The following ZNF565 variants were observed in gnomAD, a reference collection of about 807,000 sequenced individuals.
The protein encoded by ZNF565 is zinc finger protein 565.
A neutral mutation model predicts 39.4 loss-of-function variants in ZNF565; 27 were observed. That is an observed-to-expected ratio of 0.69 (90% CI 0.51 to 0.95). The LOEUF (loss-of-function observed/expected upper bound fraction) is 0.95. Among genes scored for constraint, ZNF565 ranks in the 40% least tolerant of loss-of-function variants. The pLI, the probability that ZNF565 is intolerant of heterozygous loss-of-function variation, is 0.00. For missense variants in ZNF565, 524 were observed against 621.1 expected (o/e 0.84, Z 1.66); for synonymous variants, 185 against 216.6 (o/e 0.85, Z 1.28).
At chr19:36,236,320 C>A in intron 1 of ZNF565, 4 of 1,202,676 alleles carry the variant, frequency 3.3e-6, no homozygotes, top group African/African-American at 1.5e-5. Flanking sequence ...GGAGATCATA[C>A]ACAGAGAAGC....
At chr19:36,199,007 T>G (rs558708046) in intron 2 of ZNF565, among the ~76,000 whole-genome samples, 18 of 152,350 alleles carry the variant, frequency 1.2e-4, no homozygotes, top group Admixed American at 2.6e-4. Flanking sequence ...TATTTCACAC[T>G]GCATGCCTGT....
chr19:36,205,957 G>GTT lies in ZNF565; in HGVS notation c.-65-3909_-65-3908dup, dbSNP rs57253970. 1.3e-3 allele frequency among the ~76,000 whole-genome samples: 186 copies of GTT among 143,358 alleles called. 1 individual carries two copies. Among genetic ancestry groups the GTT allele is most frequent in the African/African-American group, 4.3e-3 (170 of 39,406 alleles). The allele number at this position is 143,358 out of a possible 152,430, so 94.0% of individuals were successfully genotyped here. On this transcript the variant is annotated intron_variant, in intron 1 of 4. Transcript: ENST00000304116. ...CCTGTCCCAGTTGATCTCACATTCT[G>GTT]TTTTTTTTTTTTTCTTTTTTTTGAG...
At chr19:36,233,139 T>C (rs1977462260) in intron 1 of ZNF565, among the ~76,000 whole-genome samples, 1 of 152,200 alleles carries the variant, frequency 6.6e-6, no homozygotes, top group Non-Finnish European at 1.5e-5. Flanking sequence ...GTGCCAGCAC[T>C]TGGGAGGCAG....
Position 36,182,409 on chromosome 19 carries a change from G to A in ZNF565, c.*57C>T, listed in dbSNP as rs968831299. On this transcript the variant is annotated 3_prime_UTR_variant, in exon 5 of 5. Transcript: ENST00000304116. ...ACTACATTAAAAATTACCTAGTACT[G>A]AGCCAGATGTGAACTCCACATAAAG... 1.7e-5 allele frequency: 25 copies of A among 1,466,620 alleles called. No homozygotes were observed. Among genetic ancestry groups the A allele is most frequent in the East Asian group, 2.3e-5 (1 of 43,754 alleles). 90.9% of individuals were successfully genotyped at this position (1,466,620 alleles called of 1,614,324 possible).
chr19:36,200,175 G>A (rs1342282656), intron 2 of ZNF565, among the ~76,000 whole-genome samples: 4 of 151,430 alleles, frequency 2.6e-5, no homozygotes, highest in Non-Finnish European at 4.4e-5. Flanking sequence ...ATAGACATGC[G>A]CCATCATGCC....
At position 36,223,544 on chromosome 19, in the gene ZNF565, T is replaced by C. The variant is rs532522289; in HGVS notation, c.56-21494A>G. Among the ~76,000 whole-genome samples the C allele has an allele frequency of 1.1e-3, 165 of 151,998 alleles. 1 individual carries two copies. The highest frequency in any genetic ancestry group is 3.8e-3 in the African/African-American group (157 of 41,490). ...CGCCTGGTTAATTTTTTCGTATTTT[T>C]AGTAGAGACGGGGTTTCACCATGTT... On this transcript the variant is annotated intron_variant, in intron 1 of 4. Transcript: ENST00000355114.
chr19:36,184,498 C>T (rs1568409472), intron 4 of ZNF565, among the ~76,000 whole-genome samples: 2 of 151,916 alleles, frequency 1.3e-5, no homozygotes, highest in Non-Finnish European at 2.9e-5. Flanking sequence ...CTCCTGACCT[C>T]AAACAATCCA....
chr19:36,217,749 C>T (rs192336361), upstream of ZNF565, among the ~76,000 whole-genome samples: 982 of 151,968 alleles, frequency 6.5e-3, 37 homozygotes, highest in Admixed American at 0.054. Flanking sequence ...CCAGGCGTGG[C>T]GGCACATGCC....
chr19:36,192,138 G>A (rs997316473), intron 4 of ZNF565, among the ~76,000 whole-genome samples: 23 of 151,108 alleles, frequency 1.5e-4, no homozygotes, highest in African/African-American at 4.9e-4. Context: ...ACAGGCACCC[G>A]CCACCACGCC....
chr19:36,220,129 T>C (rs1254827352), intron 1 of ZNF565, among the ~76,000 whole-genome samples: 1 of 152,192 alleles, frequency 6.6e-6, no homozygotes, highest in Non-Finnish European at 1.5e-5. Flanking sequence ...AATTGACCAT[T>C]TCTCCAAGGA....
At chr19:36,213,793 C>G (rs936607772) in intron 1 of ZNF565, among the ~76,000 whole-genome samples, 1 of 151,726 alleles carries the variant, frequency 6.6e-6, no homozygotes, top group African/African-American at 2.4e-5. Flanking sequence ...GCCACCACAC[C>G]CGGCCCTACA....
chr19:36,197,110 A>C (rs750448198), intron 2 of ZNF565, among the ~76,000 whole-genome samples: 13 of 151,680 alleles, frequency 8.6e-5, no homozygotes, highest in Admixed American at 5.3e-4. Context: ...GTCTCTACTA[A>C]AACTACAAAA....
rs778462215 is a variant in ZNF565 at position 36,183,401 on chromosome 19, GAA to G, written c.563_564del (p.Ile188ThrfsTer4). ...RGSHLIQHQK[I>X]HTGEKPFGCK... ...CATCCAAAGGGTTTTTCACCAGTGT[GAA>G]TTTTCTGATGTTGAATAAGGTGTGA... On this transcript the variant is annotated frameshift_variant, in exon 5 of 5. Transcript: ENST00000304116. LOFTEE classifies it high-confidence loss of function. 6.2e-7 allele frequency: 1 copy of G among 1,608,190 alleles called. No homozygotes were observed. Among genetic ancestry groups the G allele is most frequent in the African/African-American group, 1.3e-5 (1 of 74,814 alleles).
intron 2 of ZNF565, among the ~76,000 whole-genome samples, chr19:36,197,724 T>C (rs75141730): frequency 1.3e-5 from 2 of 152,248 alleles, no homozygotes; most frequent in African/African-American, 4.8e-5. Flanking sequence ...AAGGGAACCC[T>C]TGTACACTTT....
chr19:36,229,283 G>A (rs183483720), intron 1 of ZNF565, among the ~76,000 whole-genome samples: 198 of 152,202 alleles, frequency 1.3e-3, no homozygotes, highest in South Asian at 0.012. Context: ...CTCTGCCATC[G>A]TAGATCCATG....
At chr19:36,205,083 A>G (rs1976101913) in intron 1 of ZNF565, among the ~76,000 whole-genome samples, 2 of 152,172 alleles carry the variant, frequency 1.3e-5, no homozygotes, top group Admixed American at 6.6e-5. Context: ...CACTCTTGCC[A>G]CAGTGTCTGG....
intron 4 of ZNF565, among the ~76,000 whole-genome samples, chr19:36,192,846 C>G (rs1457807887): frequency 1.3e-5 from 2 of 151,524 alleles, no homozygotes; most frequent in Non-Finnish European, 2.9e-5. Flanking sequence ...GATAGACGTT[C>G]ACTTTTGTCG....
intron 1 of ZNF565, among the ~76,000 whole-genome samples, chr19:36,231,405 C>T (rs936029955): frequency 6.6e-6 from 1 of 152,124 alleles, no homozygotes; most frequent in Non-Finnish European, 1.5e-5. Context: ...AACCAGTTTT[C>T]ACCATGTTGG....
Position 36,245,331 on chromosome 19 carries a change from G to A in ZNF565, c.55+145C>T. The A allele has an allele frequency of 1.5e-6, 1 of 648,038 alleles. No homozygotes were observed. Among genetic ancestry groups the A allele is most frequent in the Non-Finnish European group, 2.8e-6 (1 of 358,816 alleles). 40.1% of individuals were successfully genotyped at this position (648,038 alleles called of 1,614,324 possible). A position where few individuals can be genotyped will look rare whatever the true frequency, so the allele number is the denominator to read the frequency against. Reference sequence around the variant, plus strand: ...ACCCCAGCTCAGTTCTAAGCCGAGGGGCTGCTGCCGGACATTCTAGGGTCT... The same window carrying A: ...ACCCCAGCTCAGTTCTAAGCCGAGGAGCTGCTGCCGGACATTCTAGGGTCT... On this transcript the variant is annotated intron_variant, in intron 1 of 4. Coordinates refer to the ZNF565 transcript ENST00000355114. This position sits in a 1 kb window ranked among gnomAD's most constrained non-coding sequence, Gnocchi z 4.4.
Sources: allele counts gnomAD v4.1 joint callset (sites outside exome capture counted in the v4.1 genomes callset), GRCh38; gene constraint gnomAD v4.1.1; non-coding constraint Gnocchi (gnomAD v3.1); transcripts MANE v1.5; gene names NCBI Gene and HGNC (gene_info 2026-07-23, HGNC 2026-07-21).